The following PDLIM3 variants were observed in gnomAD, a reference collection of about 807,000 sequenced individuals.
PDLIM3 encodes PDZ and LIM domain protein 3.
Under a neutral mutation model 37.3 loss-of-function variants are expected in PDLIM3, and 36 were observed. That is an observed-to-expected ratio of 0.97 (90% CI 0.74 to 1.28). The LOEUF is 1.28. PDLIM3 is among the 50% of genes most tolerant of loss of function. The pLI, the probability that PDLIM3 is intolerant of heterozygous loss-of-function variation, is 0.00. For missense variants in PDLIM3, 454 were observed against 485.0 expected (o/e 0.94, Z 0.60); for synonymous variants, 174 against 182.4 (o/e 0.95, Z 0.37).
chr4:185,502,252 C>G lies in PDLIM3; in HGVS notation c.*42G>C, dbSNP rs372485189. 6.3e-7 allele frequency: 1 copy of G among 1,587,094 alleles called. No individual in the cohort carries two copies. The highest frequency in any genetic ancestry group is 8.7e-7 in the Non-Finnish European group (1 of 1,155,994). On this transcript the variant is annotated 3_prime_UTR_variant, in exon 8 of 8. Transcript: ENST00000284767. ...CCATGAATGTCTTCTCGTGTAAGTG[C>G]GCGTGGGTGGGTGCGTGCGTGCGTG...
Position 185,531,926 on chromosome 4 carries a change from T to TAAAAA in PDLIM3, c.93+3411_93+3415dup, listed in dbSNP as rs33963949. 4.2e-4 allele frequency among the ~76,000 whole-genome samples: 44 copies of TAAAAA among 105,888 alleles called. 2 individuals carry two copies. Among genetic ancestry groups the TAAAAA allele is most frequent in the East Asian group, 1.7e-3 (6 of 3,586 alleles). The allele number at this position is 105,888 out of a possible 152,430, so 69.5% of individuals were successfully genotyped here. A position where few individuals can be genotyped will look rare whatever the true frequency, so the allele number is the denominator to read the frequency against. On this transcript the variant is annotated intron_variant, in intron 1 of 7. Coordinates refer to ENST00000284767, the MANE Select transcript of PDLIM3 (RefSeq NM_014476.6). ...CAACATGGTGAAACCCTATCTCTAC[T>TAAAAA]AAAAAAAAAAAAAAAAAAAAAATTA... is the stretch of plus-strand genomic sequence containing the variant.
At position 185,531,287 on chromosome 4, in the gene PDLIM3, C is replaced by T. The variant is rs936483880; in HGVS notation, c.93+4055G>A. Among the ~76,000 whole-genome samples the T allele has an allele frequency of 3.2e-3, 7 of 2,160 alleles. No homozygotes were observed. In the Admixed American group the frequency reaches 0.036, roughly 11 times the overall value. 1.4% of individuals were successfully genotyped at this position (2,160 alleles called of 152,430 possible). Reference sequence around the variant, plus strand: ...GTGAAATGCTTAGGCCAGTTATACACGGTGTTTAACAACTCCCTCCCCTAA... The same window carrying T: ...GTGAAATGCTTAGGCCAGTTATACATGGTGTTTAACAACTCCCTCCCCTAA... On this transcript the variant is annotated intron_variant, in intron 1 of 7. Transcript: ENST00000284767.
In PDLIM3 at chr4:185,514,945, T is replaced by G; in HGVS notation, c.331-608A>C. On this transcript the variant is annotated intron_variant, in intron 3 of 7. Coordinates refer to ENST00000284767, the MANE Select transcript of PDLIM3 (RefSeq NM_014476.6). The surrounding 1 kb of genome is among the most constrained non-coding windows in gnomAD (Gnocchi z 4.0). ...ACACAGCGCACAAGAAAGCCATTAG[T>G]GAGCGAAACCAACAGCATCACTACT... is the stretch of plus-strand genomic sequence containing the variant. The G allele has an allele frequency of 7.1e-7, 1 of 1,407,200 alleles. No homozygotes were observed. The highest frequency in any genetic ancestry group is 1.4e-5 in the South Asian group (1 of 72,228). 87.2% of individuals were successfully genotyped at this position (1,407,200 alleles called of 1,614,324 possible). A position where few individuals can be genotyped will look rare whatever the true frequency, so the allele number is the denominator to read the frequency against.
At chr4:185,503,171 C>T (rs1181128132) in intron 7 of PDLIM3, among the ~76,000 whole-genome samples, 1 of 152,096 alleles carries the variant, frequency 6.6e-6, no homozygotes, top group Non-Finnish European at 1.5e-5. Context: ...TTGCAGTGAG[C>T]CGAGATCGCG....
At chr4:185,508,999 T>G (rs1451942304) in intron 4 of PDLIM3, among the ~76,000 whole-genome samples, 1 of 152,240 alleles carries the variant, frequency 6.6e-6, no homozygotes, top group Non-Finnish European at 1.5e-5. Context: ...GTGCAACATT[T>G]AAAATTAAAG....
At chr4:185,524,720 T>A (rs2095729783) in intron 2 of PDLIM3, among the ~76,000 whole-genome samples, 1 of 152,204 alleles carries the variant, frequency 6.6e-6, no homozygotes, top group Non-Finnish European at 1.5e-5. Flanking sequence ...GTTGTGTTGT[T>A]CAGTGTTTAT....
In PDLIM3 at chr4:185,504,531, G is replaced by T; in HGVS notation, c.849C>A (p.Gly283=). 5 of 1,614,114 alleles carry T rather than the reference G, an allele frequency of 3.1e-6. No homozygotes were observed. The highest frequency in any genetic ancestry group is 4.2e-6 in the Non-Finnish European group (5 of 1,180,004). The change falls in exon 7 of 8, where the codon GGC becomes GGA. Residue 283 remains glycine, a synonymous_variant. Transcript: ENST00000284767. This position sits in a 1 kb window ranked among gnomAD's most constrained non-coding sequence, Gnocchi z 4.7. ...GCATCCTCTGTGCCCCGCCTGAACCGCCATGGACTTTCGTCACCGGAGCTC... is the reference window on the plus strand; with the variant it reads ...GCATCCTCTGTGCCCCGCCTGAACCTCCATGGACTTTCGTCACCGGAGCTC... ...SVRAPVTKVH[G]GSGGAQRMPL...
intron 6 of PDLIM3, among the ~76,000 whole-genome samples, chr4:185,505,386 G>A (rs1178520296): frequency 6.6e-6 from 1 of 152,212 alleles, no homozygotes; most frequent in Non-Finnish European, 1.5e-5. Flanking sequence ...CACTCTGGGA[G>A]GCCGAGGCGG....
At chr4:185,505,394 C>T (rs527751704) in intron 6 of PDLIM3, among the ~76,000 whole-genome samples, 9 of 152,222 alleles carry the variant, frequency 5.9e-5, no homozygotes, top group East Asian at 5.8e-4. Flanking sequence ...GAGGCCGAGG[C>T]GGGTGGACCA....
At chr4:185,515,166 C>T (rs2095713105) in intron 3 of PDLIM3, 1 of 229,434 alleles carries the variant, frequency 4.4e-6, no homozygotes, top group African/African-American at 2.3e-5. Flanking sequence ...CTGCCCCTGA[C>T]TTCTTCATCT....
chr4:185,515,146 C>T (rs1461049728), intron 3 of PDLIM3: 1 of 267,236 alleles, frequency 3.7e-6, no homozygotes, highest in Non-Finnish European at 6.9e-6. Context: ...TTAAACATTG[C>T]ACCTCTTATC....
chr4:185,532,600 C>A (rs891709098), intron 1 of PDLIM3, among the ~76,000 whole-genome samples: 2 of 151,890 alleles, frequency 1.3e-5, no homozygotes, highest in Admixed American at 6.6e-5. Flanking sequence ...ACGTGTGGAA[C>A]AAGGGGAGGA....
At chr4:185,525,380 T>C (rs929675780) in intron 1 of PDLIM3, among the ~76,000 whole-genome samples, 22 of 152,244 alleles carry the variant, frequency 1.4e-4, no homozygotes, top group African/African-American at 4.8e-4. Flanking sequence ...ACTAACCACA[T>C]TTCATATCCT....
chr4:185,502,006 T>C lies in PDLIM3; in HGVS notation c.*288A>G. Reference sequence around the variant, plus strand: ...ATGTTTATGTGTTTGATGGCTGTAATATACATGTAAATTGTGGAGTATGAC... The same window carrying C: ...ATGTTTATGTGTTTGATGGCTGTAACATACATGTAAATTGTGGAGTATGAC... On this transcript the variant is annotated 3_prime_UTR_variant, in exon 8 of 8. Coordinates refer to ENST00000284767, the MANE Select transcript of PDLIM3 (RefSeq NM_014476.6). 2.2e-6 allele frequency: 1 copy of C among 455,132 alleles called. No homozygotes were observed. 28.2% of individuals were successfully genotyped at this position (455,132 alleles called of 1,614,324 possible). A position where few individuals can be genotyped will look rare whatever the true frequency, so the allele number is the denominator to read the frequency against.
At chr4:185,519,706 T>G (rs532928871) in intron 3 of PDLIM3, among the ~76,000 whole-genome samples, 3 of 152,208 alleles carry the variant, frequency 2.0e-5, no homozygotes, top group African/African-American at 7.2e-5. Flanking sequence ...ATAAACATAC[T>G]AATATTTAAT....
chr4:185,506,078 C>T (rs961511519), intron 6 of PDLIM3, among the ~76,000 whole-genome samples: 2 of 152,158 alleles, frequency 1.3e-5, no homozygotes, highest in African/African-American at 2.4e-5. Context: ...CTCACCTCCC[C>T]AAGTTCCTGT....
chr4:185,512,323 C>T (rs3792696), intron 4 of PDLIM3: 22,576 of 152,000 alleles, frequency 0.15, 1,852 homozygotes, highest in Middle Eastern at 0.26. Flanking sequence ...CCTTGTGATT[C>T]GCCCACCTCT....
chr4:185,519,162 G>A (rs2095719059), intron 3 of PDLIM3, among the ~76,000 whole-genome samples: 1 of 152,200 alleles, frequency 6.6e-6, no homozygotes, highest in African/African-American at 2.4e-5. Flanking sequence ...GGATTGCATG[G>A]AAGGCATTTA....
chr4:185,527,876 C>G (rs1021790499), intron 1 of PDLIM3, among the ~76,000 whole-genome samples: 2 of 151,928 alleles, frequency 1.3e-5, no homozygotes, highest in Non-Finnish European at 2.9e-5. Flanking sequence ...ATAGCAGGAC[C>G]CTGTCTCTAC....
Sources: gnomAD v4.1 joint callset for allele counts (sites outside exome capture counted in the v4.1 genomes callset) on GRCh38, gnomAD v4.1.1 for gene constraint, Gnocchi (gnomAD v3.1) non-coding constraint, MANE v1.5 for transcripts, NCBI Gene and HGNC (gene_info 2026-07-23, HGNC 2026-07-21) for gene names.